Variants in PACRG observed in about 807,000 individuals in gnomAD.
PACRG encodes the protein parkin coregulated.
PACRG carries 29 observed loss-of-function variants against 29.7 expected under a neutral mutation model. The observed-to-expected ratio is 0.98, with a 90% CI of 0.73 to 1.33. The LOEUF (loss-of-function observed/expected upper bound fraction) is 1.33. PACRG is among the 40% of genes most tolerant of loss of function. PACRG has a pLI of 0.00. For missense variants in PACRG, 279 were observed against 316.2 expected (o/e 0.88, Z 0.89); for synonymous variants, 116 against 118.7 (o/e 0.98, Z 0.15).
At chr6:162,787,448 CATG>C (rs1056316279) in intron 1 of PACRG, among the ~76,000 whole-genome samples, 2 of 150,490 alleles carry the variant, frequency 1.3e-5, no homozygotes, top group African/African-American at 4.9e-5. Flanking sequence ...CATATACACA[CATG>C]ATAACTCTAT....
chr6:162,954,518 A>C (rs1400075968), intron 2 of PACRG, among the ~76,000 whole-genome samples: 3 of 150,292 alleles, frequency 2.0e-5, no homozygotes, highest in Admixed American at 2.0e-4. Context: ...TTTTTACTGC[A>C]CAACCCTTTA....
chr6:162,740,693 G>GAGCTCA (rs1780519564), intron 1 of PACRG, among the ~76,000 whole-genome samples: 1 of 151,330 alleles, frequency 6.6e-6, no homozygotes, highest in African/African-American at 2.4e-5. Flanking sequence ...TCTGCCCCCT[G>GAGCTCA]GGTTCAAGTG....
chr6:162,791,600 T>C (rs1784952069), intron 1 of PACRG, among the ~76,000 whole-genome samples: 2 of 152,166 alleles, frequency 1.3e-5, no homozygotes, highest in South Asian at 2.1e-4. Flanking sequence ...TCGGTAAATA[T>C]GTGTGTAATG....
chr6:163,292,768 T>C (rs979203857), intron 4 of PACRG, among the ~76,000 whole-genome samples: 1 of 152,160 alleles, frequency 6.6e-6, no homozygotes, highest in Non-Finnish European at 1.5e-5. Context: ...AACATCTAAA[T>C]TTCCTGACCA....
chr6:162,974,413 TG>T (rs1195253787), intron 2 of PACRG, among the ~76,000 whole-genome samples: 1 of 152,222 alleles, frequency 6.6e-6, no homozygotes, highest in African/African-American at 2.4e-5. Flanking sequence ...ATATTGTACT[TG>T]AAAGTTAACA....
At chr6:162,812,080 C>T (rs1319090543) in intron 1 of PACRG, among the ~76,000 whole-genome samples, 2 of 151,910 alleles carry the variant, frequency 1.3e-5, no homozygotes, top group Admixed American at 6.6e-5. Context: ...TGCTAGGGGA[C>T]GAAGGTTAAG....
chr6:163,078,707 C>T (rs1812788297), intron 3 of PACRG, among the ~76,000 whole-genome samples: 1 of 152,162 alleles, frequency 6.6e-6, no homozygotes. Context: ...AGAATCTTCA[C>T]TCCTGCTCCC....
chr6:163,311,775 C>CAA (rs36101814), intron 4 of PACRG, among the ~76,000 whole-genome samples: 107 of 151,924 alleles, frequency 7.0e-4, no homozygotes, highest in African/African-American at 2.0e-3. Flanking sequence ...TGTGGAAAAA[C>CAA]AAAAAAAGCT....
intron 2 of PACRG, among the ~76,000 whole-genome samples, chr6:163,028,248 G>T (rs1807330961): frequency 6.6e-6 from 1 of 152,154 alleles, no homozygotes; most frequent in Non-Finnish European, 1.5e-5. Flanking sequence ...TATCCTATAA[G>T]ATCATCTGTT....
intron 4 of PACRG, among the ~76,000 whole-genome samples, chr6:163,196,654 T>C (rs549521600): frequency 6.6e-6 from 1 of 152,266 alleles, no homozygotes; most frequent in African/African-American, 2.4e-5. Flanking sequence ...AAGAGTCACT[T>C]ATCATATTCT....
Position 163,131,224 on chromosome 6 carries a change from C to G in PACRG, c.613+41816C>G, listed in dbSNP as rs141504838. Among the ~76,000 whole-genome samples, 11 of 149,526 alleles carry G rather than the reference C, an allele frequency of 7.4e-5. No individual in the cohort carries two copies. The South Asian group carries it at 2.1e-3, about 29-fold the overall frequency. ...TCGGGAGGCTGAGGCGGGAGGATGG[C>G]GTGAACCCGGGAGGCGTAGCTTGCA... On this transcript the variant is annotated intron_variant, in intron 4 of 4. Transcript: ENST00000366888.
intron 2 of PACRG, 23 bp from the exon 3 acceptor site, chr6:163,062,127 G>T (rs746789565): frequency 6.2e-7 from 1 of 1,611,614 alleles, no homozygotes; most frequent in South Asian, 1.1e-5. Flanking sequence ...TTCACATGGC[G>T]TCTCTTCTTT....
At position 163,303,082 on chromosome 6, in the gene PACRG, G is replaced by C. The variant is rs192655007; in HGVS notation, c.614-11745G>C. ...TGAGGGGGCCAAGCCTGTAATCCCA[G>C]CACTTTGGGAGACCGAGGTGGGTGG... On this transcript the variant is annotated intron_variant, in intron 4 of 4. Coordinates refer to ENST00000366888, the MANE Select transcript of PACRG (RefSeq NM_001080379.2). 1.6e-3 allele frequency among the ~76,000 whole-genome samples: 246 copies of C among 152,344 alleles called. 1 individual carries two copies. Among genetic ancestry groups the C allele is most frequent in the Non-Finnish European group, 1.9e-3 (132 of 68,036 alleles).
chr6:162,766,243 C>T (rs930965571), intron 1 of PACRG, among the ~76,000 whole-genome samples: 3 of 152,146 alleles, frequency 2.0e-5, no homozygotes, highest in African/African-American at 7.2e-5. Flanking sequence ...CTGGTAACCA[C>T]CATTCTACTC....
chr6:163,096,971 G>T (rs1188020384), intron 4 of PACRG, among the ~76,000 whole-genome samples: 1 of 152,114 alleles, frequency 6.6e-6, no homozygotes, highest in East Asian at 1.9e-4. Flanking sequence ...ATTCCTAATT[G>T]CAAATATTCC....
chr6:162,913,827 T>G (rs996188235), intron 2 of PACRG, among the ~76,000 whole-genome samples: 11 of 152,230 alleles, frequency 7.2e-5, no homozygotes, highest in East Asian at 3.8e-4. Flanking sequence ...TACTTTTTAA[T>G]GTGCTTCTAT....
At chr6:162,749,766 C>T (rs1008681018) in intron 1 of PACRG, among the ~76,000 whole-genome samples, 54 of 152,142 alleles carry the variant, frequency 3.5e-4, no homozygotes, top group African/African-American at 1.1e-3. Context: ...ATGATCTGCC[C>T]GCCTCGGCCT....
intron 2 of PACRG, among the ~76,000 whole-genome samples, chr6:162,985,090 A>G (rs144496990): frequency 3.3e-5 from 5 of 152,158 alleles, no homozygotes; most frequent in Admixed American, 6.6e-5. Context: ...AAAAGTTCAC[A>G]AACAGATGGA....
chr6:163,118,178 A>G (rs1264090239), intron 4 of PACRG, among the ~76,000 whole-genome samples: 1 of 152,262 alleles, frequency 6.6e-6, no homozygotes, highest in East Asian at 1.9e-4. Context: ...CACAAGGAAG[A>G]GGAAAATAAT....
Sources: allele counts gnomAD v4.1 joint callset (sites outside exome capture counted in the v4.1 genomes callset), GRCh38; gene constraint gnomAD v4.1.1; transcripts MANE v1.5; gene names NCBI Gene and HGNC (gene_info 2026-07-23, HGNC 2026-07-21).